The following WDFY4 variants were observed in gnomAD, a reference collection of about 807,000 sequenced individuals.
WDFY4 encodes WDFY family member 4, also known as WD repeat- and FYVE domain-containing protein 4.
In WDFY4, 169 loss-of-function variants were observed where a neutral mutation model predicts 351.9. That is an observed-to-expected ratio of 0.48 (90% CI 0.42 to 0.55). The LOEUF is 0.55. Ranked by LOEUF, WDFY4 falls within the 20% of genes least tolerant of loss-of-function variation. The pLI, the probability that WDFY4 is intolerant of heterozygous loss-of-function variation, is 0.00. For synonymous variants in WDFY4, 1,622 were observed against 1,574.6 expected (o/e 1.03, Z -0.71); for missense variants, 3,803 against 3,935.6 (o/e 0.97, Z 0.90).
intron 47 of WDFY4, among the ~76,000 whole-genome samples, chr10:48,930,546 G>A (rs1478851848): frequency 6.6e-6 from 1 of 152,178 alleles, no homozygotes; most frequent in Non-Finnish European, 1.5e-5. Context: ...ACGAGATGAA[G>A]CAAGGAAACG....
chr10:48,923,496 G>GTATTTATATATATATATATA (rs1839280373), intron 47 of WDFY4, among the ~76,000 whole-genome samples: 2 of 63,214 alleles, frequency 3.2e-5, no homozygotes, highest in Non-Finnish European at 8.5e-5. Flanking sequence ...ATAGTTTTTA[G>GTATTTATATATATATATATA]TATATATATA....
chr10:48,781,437 C>G (rs7897219), intron 19 of WDFY4, among the ~76,000 whole-genome samples: 3,824 of 152,120 alleles, frequency 0.025, 147 homozygotes, highest in African/African-American at 0.087. Context: ...GGTGGGATTA[C>G]AAGCGCCCAC....
chr10:48,921,518 G>A (rs538701906), intron 47 of WDFY4, among the ~76,000 whole-genome samples: 1 of 152,120 alleles, frequency 6.6e-6, no homozygotes, highest in Non-Finnish European at 1.5e-5. Flanking sequence ...AGAAAATGAA[G>A]GAGAAAATCT....
chr10:48,697,362 G>T (rs755328578), intron 1 of WDFY4, among the ~76,000 whole-genome samples: 16 of 152,222 alleles, frequency 1.1e-4, no homozygotes, highest in Non-Finnish European at 1.6e-4. Flanking sequence ...GTGTCTTCCT[G>T]GCCCCTGGCC....
At chr10:48,823,505 G>A in intron 35 of WDFY4, 6 of 1,147,340 alleles carry the variant, frequency 5.2e-6, no homozygotes, top group Non-Finnish European at 6.5e-6. Flanking sequence ...CCTCTTCACA[G>A]TTTCTAGAGC....
intron 16 of WDFY4, 66 bp downstream of exon 16, chr10:48,777,050 A>G (rs930739657): frequency 2.0e-6 from 3 of 1,469,352 alleles, no homozygotes; most frequent in African/African-American, 1.4e-5. Flanking sequence ...GATGAATTAT[A>G]ATATTGATTG....
intron 44 of WDFY4, among the ~76,000 whole-genome samples, chr10:48,892,316 T>G (rs961032435): frequency 4.6e-5 from 7 of 152,248 alleles, no homozygotes; most frequent in African/African-American, 1.7e-4. Flanking sequence ...ATATCTGCAC[T>G]TTTAATAGAA....
intron 4 of WDFY4, 84 bp downstream of exon 4, chr10:48,721,451 C>T: frequency 2.5e-6 from 3 of 1,196,470 alleles, no homozygotes; most frequent in Non-Finnish European, 2.4e-6. Flanking sequence ...GTGGCATATC[C>T]CAAGAGGGTC....
chr10:48,760,722 A>G (rs1319589145), intron 13 of WDFY4, among the ~76,000 whole-genome samples: 4 of 152,204 alleles, frequency 2.6e-5, no homozygotes, highest in African/African-American at 7.2e-5. Flanking sequence ...AAAATAATTG[A>G]ACCATAGTAA....
chr10:48,800,246 T>A (rs1030371955), intron 24 of WDFY4, among the ~76,000 whole-genome samples: 1 of 152,176 alleles, frequency 6.6e-6, no homozygotes, highest in Non-Finnish European at 1.5e-5. Context: ...GAAGACGCAG[T>A]AAAAACCAGA....
At chr10:48,779,497 G>A (rs1424588022) in intron 18 of WDFY4, among the ~76,000 whole-genome samples, 1 of 152,178 alleles carries the variant, frequency 6.6e-6, no homozygotes, top group Non-Finnish European at 1.5e-5. Flanking sequence ...CAGTGGAAGC[G>A]GCTGACACCC....
At chr10:48,953,692 G>C (rs768487830) in intron 51 of WDFY4, among the ~76,000 whole-genome samples, 1 of 152,212 alleles carries the variant, frequency 6.6e-6, no homozygotes, top group Non-Finnish European at 1.5e-5. Context: ...ATCCAGATGT[G>C]GCAGCAGGTT....
Position 48,733,960 on chromosome 10 carries a change from G to A in WDFY4, c.1612G>A (p.Asp538Asn), listed in dbSNP as rs1394234453. Residue 538 changes from aspartate to asparagine, a missense_variant, in exon 10 of 62, where the codon GAT becomes AAT. By Grantham distance (23) the Asp-to-Asn change is conservative (BLOSUM62 1). Coordinates refer to ENST00000325239, the MANE Select transcript of WDFY4 (RefSeq NM_001394531.1). ...GNKVSTPGVQ[D>N]PERELTCVML... Reference sequence around the variant, plus strand: ...CAAAGTGTCCACTCCTGGTGTTCAGGATCCAGAAAGAGAACTCACCTGTGT... The same window carrying A: ...CAAAGTGTCCACTCCTGGTGTTCAGAATCCAGAAAGAGAACTCACCTGTGT... 2 of 1,551,616 alleles carry A rather than the reference G, an allele frequency of 1.3e-6. No individual in the cohort carries two copies. Among genetic ancestry groups the A allele is most frequent in the Non-Finnish European group, 1.7e-6 (2 of 1,146,994 alleles).
At chr10:48,975,244 C>T in intron 58 of WDFY4, 9 of 717,612 alleles carry the variant, frequency 1.3e-5, no homozygotes, top group Non-Finnish European at 2.1e-5. Flanking sequence ...TTTCCTCCCT[C>T]TGGTGTTGGG....
At chr10:48,823,072 C>A (rs1182877229) in intron 35 of WDFY4, 1 of 1,203,628 alleles carries the variant, frequency 8.3e-7, no homozygotes. Context: ...AAATGCATAC[C>A]TGTAGGGCCA....
At chr10:48,703,599 G>T (rs778157998) in intron 1 of WDFY4, among the ~76,000 whole-genome samples, 64 of 152,290 alleles carry the variant, frequency 4.2e-4, no homozygotes, top group Non-Finnish European at 6.9e-4. Flanking sequence ...ATGTCTTCTT[G>T]CTCTGGGGCA....
chr10:48,928,337 G>C (rs573059843), intron 47 of WDFY4, among the ~76,000 whole-genome samples: 11 of 148,280 alleles, frequency 7.4e-5, no homozygotes, highest in Non-Finnish European at 1.5e-4. Context: ...GTGGCCCTTG[G>C]AGGCTTTGGT....
At chr10:48,979,364 A>G (rs143710246) in intron 60 of WDFY4, among the ~76,000 whole-genome samples, 2 of 152,358 alleles carry the variant, frequency 1.3e-5, no homozygotes, top group East Asian at 3.9e-4. Flanking sequence ...CCACTTGGAA[A>G]GGCTCTTATT....
At chr10:48,802,557 T>C (rs1478235859) in intron 24 of WDFY4, among the ~76,000 whole-genome samples, 1 of 145,750 alleles carries the variant, frequency 6.9e-6, no homozygotes, top group Non-Finnish European at 1.5e-5. Context: ...AAGAAAAATA[T>C]TAGAGTTCTC....
Sources: gnomAD v4.1 joint callset for allele counts (sites outside exome capture counted in the v4.1 genomes callset) on GRCh38, gnomAD v4.1.1 for gene constraint, MANE v1.5 for transcripts, NCBI Gene and HGNC (gene_info 2026-07-23, HGNC 2026-07-21) for gene names.